The following MAML2 variants were observed in gnomAD, a reference collection of about 807,000 sequenced individuals.
The protein encoded by MAML2 is mastermind like transcriptional coactivator 2, also known as mastermind-like protein 2.
MAML2 carries 22 observed loss-of-function variants against 96.1 expected under a neutral mutation model. The ratio of observed to expected loss-of-function variants is 0.23; its 90% CI spans 0.16 to 0.33. The LOEUF (loss-of-function observed/expected upper bound fraction) is 0.33, where lower values mean the gene tolerates loss of function less well. Among genes scored for constraint, MAML2 ranks in the 10% least tolerant of loss-of-function variants. The probability of loss-of-function intolerance (pLI) is 1.00; values close to 1 mark genes in which losing one functional copy is unlikely to be tolerated. For missense variants in MAML2, 1,367 were observed against 1,392.4 expected (o/e 0.98, Z 0.29); for synonymous variants, 561 against 521.3 (o/e 1.08, Z -1.04).
At position 96,341,435 on chromosome 11, in the gene MAML2, T is replaced by G. The variant is rs1252871516; in HGVS notation, c.461A>C (p.Gln154Pro). 1.9e-6 allele frequency: 3 copies of G among 1,549,492 alleles called. No individual in the cohort carries two copies. The highest frequency in any genetic ancestry group is 1.7e-6 in the Non-Finnish European group (2 of 1,145,608). Residue 154 changes from glutamine to proline, a missense_variant, in exon 1 of 5, where the codon CAG becomes CCG. Gln to Pro is a moderately conservative substitution (Grantham distance 76). Coordinates refer to ENST00000524717, the MANE Select transcript of MAML2 (RefSeq NM_032427.4). Reference protein sequence around the residue: ...NGGSGGINGEQQPPASTPGDQ... With the variant: ...NGGSGGINGEPQPPASTPGDQ... The stretch of plus-strand genomic sequence containing the variant: ...CCCTGGGGTTGAAGCGGGCGGCTGC[T>G]GCTCTCCGTTTATCCCACCACTGCC...
chr11:96,255,144 A>G (rs954554478), intron 1 of MAML2, among the ~76,000 whole-genome samples: 13 of 152,168 alleles, frequency 8.5e-5, no homozygotes, highest in African/African-American at 3.1e-4. Context: ...GGCTCTTTTG[A>G]AAACACAAAT....
intron 1 of MAML2, among the ~76,000 whole-genome samples, chr11:96,237,003 T>C (rs1862375117): frequency 6.6e-6 from 1 of 152,186 alleles, no homozygotes; most frequent in South Asian, 2.1e-4. Context: ...CAGAGAAACC[T>C]CTGAACTGGA....
intron 1 of MAML2, among the ~76,000 whole-genome samples, chr11:96,152,406 A>AT (rs11445519): frequency 0.48 from 72,880 of 151,982 alleles, 18,618 homozygotes; most frequent in East Asian, 0.86. Flanking sequence ...AAGATAGAAC[A>AT]CCAGTTGAAG....
chr11:95,985,673 T>G, intron 3 of MAML2, 31 bp from the exon 4 acceptor site: 1 of 1,377,936 alleles, frequency 7.3e-7, no homozygotes, highest in Non-Finnish European at 1.0e-6. Context: ...CATATTATGT[T>G]GCATCATTCC....
At chr11:96,285,295 G>A (rs1863123731) in intron 1 of MAML2, among the ~76,000 whole-genome samples, 1 of 151,996 alleles carries the variant, frequency 6.6e-6, no homozygotes, top group African/African-American at 2.4e-5. Context: ...AATTGAAACT[G>A]GACCCCTTCC....
chr11:96,176,275 A>T (rs2135905622), intron 1 of MAML2, among the ~76,000 whole-genome samples: 1 of 152,338 alleles, frequency 6.6e-6, no homozygotes, highest in East Asian at 1.9e-4. Flanking sequence ...GTTACAATCC[A>T]TCTTTATGGA....
chr11:96,037,476 CCT>C (rs1858736153), intron 2 of MAML2, among the ~76,000 whole-genome samples: 1 of 152,068 alleles, frequency 6.6e-6, no homozygotes, highest in South Asian at 2.1e-4. Flanking sequence ...CAAATTTAGC[CCT>C]GTTACTGAAG....
rs755102519 is a variant in MAML2, at chr11:96,092,585, G to T, written c.1446C>A (p.Ser482Arg). The part of the protein sequence containing the change: ...PGPFGQEKIP[S>R]PSFGQQTFSP... ...TGAATGTCTGCTGACCAAAAGAAGG[G>T]CTGGGGATTTTCTCCTGCCCAAATG... The change falls in exon 2 of 5, where the codon AGC (serine) becomes AGA (arginine). Residue 482 changes from serine to arginine, a missense_variant. Transcript: ENST00000524717. This position sits in a 1 kb window ranked among gnomAD's most constrained non-coding sequence, Gnocchi z 4.1. 6.8e-6 allele frequency: 11 copies of T among 1,609,556 alleles called. No homozygotes were observed. The South Asian group carries it at 1.2e-4, about 18-fold the overall frequency.
At chr11:96,152,844 C>G (rs1375291283) in intron 1 of MAML2, among the ~76,000 whole-genome samples, 2 of 152,190 alleles carry the variant, frequency 1.3e-5, no homozygotes, top group African/African-American at 2.4e-5. Flanking sequence ...GACCAGCTCT[C>G]AATGACAAGC....
At chr11:96,332,317 G>A (rs1863865165) in intron 1 of MAML2, among the ~76,000 whole-genome samples, 1 of 152,192 alleles carries the variant, frequency 6.6e-6, no homozygotes, top group African/African-American at 2.4e-5. Flanking sequence ...ATGCTTAGCT[G>A]GGAGCTCGCT....
chr11:96,015,382 C>T (rs767734821), intron 2 of MAML2, among the ~76,000 whole-genome samples: 20 of 151,940 alleles, frequency 1.3e-4, no homozygotes, highest in Non-Finnish European at 2.1e-4. Flanking sequence ...TGCCCAATTC[C>T]CAGGGTAGCA....
At chr11:96,265,708 A>G (rs537431708) in intron 1 of MAML2, among the ~76,000 whole-genome samples, 1 of 152,230 alleles carries the variant, frequency 6.6e-6, no homozygotes, top group Non-Finnish European at 1.5e-5. Context: ...CTAGACGTTG[A>G]GTGGAACTCA....
chr11:96,280,409 C>T (rs182169965), intron 1 of MAML2, among the ~76,000 whole-genome samples: 31 of 152,228 alleles, frequency 2.0e-4, no homozygotes, highest in Non-Finnish European at 2.4e-4. Flanking sequence ...GATCTTGAAA[C>T]TGTTAATGAA....
At chr11:96,126,082 G>T (rs763677617) in intron 1 of MAML2, among the ~76,000 whole-genome samples, 7 of 152,118 alleles carry the variant, frequency 4.6e-5, no homozygotes, top group Non-Finnish European at 7.3e-5. Flanking sequence ...TAATACTTTC[G>T]TGACATGCTG....
At chr11:96,051,321 G>A (rs894134366) in intron 2 of MAML2, among the ~76,000 whole-genome samples, 5 of 152,072 alleles carry the variant, frequency 3.3e-5, no homozygotes, top group African/African-American at 1.2e-4. Flanking sequence ...AGTAATACCA[G>A]TAATACTAAT....
At chr11:96,075,028 A>G (rs1859412415) in intron 2 of MAML2, among the ~76,000 whole-genome samples, 1 of 152,148 alleles carries the variant, frequency 6.6e-6, no homozygotes, top group Non-Finnish European at 1.5e-5. Flanking sequence ...CTTGAGCGTG[A>G]CTCTTAATTT....
chr11:96,014,294 G>A (rs1177094591), intron 2 of MAML2, among the ~76,000 whole-genome samples: 2 of 152,142 alleles, frequency 1.3e-5, no homozygotes, highest in Admixed American at 6.5e-5. Context: ...GCCACTCTAC[G>A]AACAAAAAGA....
intron 2 of MAML2, among the ~76,000 whole-genome samples, chr11:96,076,432 T>TCA (rs57102762): frequency 0.084 from 8,702 of 103,004 alleles, 269 homozygotes; most frequent in Non-Finnish European, 0.12. Context: ...TCTCTCTCTC[T>TCA]CACACACACA....
intron 2 of MAML2, among the ~76,000 whole-genome samples, chr11:96,034,345 G>C (rs775436600): frequency 2.6e-5 from 4 of 151,526 alleles, no homozygotes; most frequent in Non-Finnish European, 5.9e-5. Context: ...CCATCTCCCT[G>C]TCCTTTCATT....
Sources: allele counts gnomAD v4.1 joint callset (sites outside exome capture counted in the v4.1 genomes callset), GRCh38; gene constraint gnomAD v4.1.1; non-coding constraint Gnocchi (gnomAD v3.1); transcripts MANE v1.5; gene names NCBI Gene and HGNC (gene_info 2026-07-23, HGNC 2026-07-21).